Variants in MEGF8 observed in about 807,000 individuals in gnomAD.
The protein encoded by MEGF8 is multiple EGF like domains 8, also known as multiple epidermal growth factor-like domains protein 8.
MEGF8 carries 156 observed loss-of-function variants against 302.9 expected under a neutral mutation model. That is an observed-to-expected ratio of 0.52 (90% CI 0.45 to 0.59). MEGF8 has a LOEUF of 0.59. Among genes scored for constraint, MEGF8 ranks in the 20% least tolerant of loss-of-function variants. MEGF8 has a pLI of 0.00. For synonymous variants in MEGF8, 1,621 were observed against 1,660.5 expected (o/e 0.98, Z 0.58); for missense variants, 3,345 against 3,964.5 (o/e 0.84, Z 4.20).
chr19:42,343,419 T>G, intron 8 of MEGF8, 58 bp from the exon 9 acceptor site: 3 of 1,510,466 alleles, frequency 2.0e-6, no homozygotes, highest in East Asian at 2.3e-5. Context: ...TCAGGAGCCA[T>G]GGAGGTGGTG....
In MEGF8 at chr19:42,363,272, C is replaced by G; in HGVS notation, c.6273+10C>G. ...CAGCAGCCTGCAGCAGGTACTGCACCTGGCCAGGACCGTGCCAGGCAAGGG... is the reference window on the plus strand; with the variant it reads ...CAGCAGCCTGCAGCAGGTACTGCACGTGGCCAGGACCGTGCCAGGCAAGGG... On this transcript the variant is annotated intron_variant, in intron 35 of 41. Coordinates refer to ENST00000251268, the MANE Select transcript of MEGF8 (RefSeq NM_001271938.2). 6.3e-7 allele frequency: 1 copy of G among 1,578,048 alleles called. No individual in the cohort carries two copies. The highest frequency in any genetic ancestry group is 8.6e-7 in the Non-Finnish European group (1 of 1,161,978).
chr19:42,366,841 C>T lies in MEGF8; in HGVS notation c.6274-1614C>T, dbSNP rs376192831. 3.0e-4 allele frequency among the ~76,000 whole-genome samples: 45 copies of T among 152,260 alleles called. 1 individual carries two copies. The highest frequency in any genetic ancestry group is 1.1e-3 in the African/African-American group (45 of 41,550). On this transcript the variant is annotated intron_variant, in intron 35 of 41. Transcript: ENST00000251268. The stretch of plus-strand genomic sequence containing the variant: ...GTTCTCTACCCCTCCCAGATTGTCC[C>T]ACCATCTGCCAACAAGTGCCCTAAA...
Position 42,336,788 on chromosome 19 carries a change from C to T in MEGF8, c.1245-19C>T, listed in dbSNP as rs1454620464. The T allele has an allele frequency of 6.4e-7, 1 of 1,565,974 alleles. No homozygotes were observed. Reference sequence around the variant, plus strand: ...GACGCTTCCTGCCCTGAGCCCCTGCCCTGCTTCTCCTTCGGTAGGTTCTCT... The same window carrying T: ...GACGCTTCCTGCCCTGAGCCCCTGCTCTGCTTCTCCTTCGGTAGGTTCTCT... On this transcript the variant is annotated intron_variant, in intron 6 of 41. Transcript: ENST00000251268. The surrounding 1 kb of genome is among the most constrained non-coding windows in gnomAD (Gnocchi z 4.8).
chr19:42,333,953 C>A, intron 2 of MEGF8, 54 bp from the exon 3 acceptor site: 1 of 1,570,334 alleles, frequency 6.4e-7, no homozygotes, highest in Non-Finnish European at 8.7e-7. Context: ...GGCCACCCTC[C>A]CAGGACAATC....
In MEGF8 at chr19:42,359,077, C is replaced by A. The variant is rs765689108; in HGVS notation, c.5344-21C>A. 25 of 1,507,796 alleles carry A rather than the reference C, an allele frequency of 1.7e-5. No individual in the cohort carries two copies. In the South Asian group the frequency reaches 2.4e-4, roughly 14 times the overall value. 93.4% of individuals were successfully genotyped at this position (1,507,796 alleles called of 1,614,324 possible). On this transcript the variant is annotated intron_variant, in intron 30 of 41. Coordinates refer to ENST00000251268, the MANE Select transcript of MEGF8 (RefSeq NM_001271938.2). The stretch of plus-strand genomic sequence containing the variant: ...GCTCTGACAGGCTGTCCTGTCCCCC[C>A]ACCCCCCGTCTCCCCAACAGCCCCG...
intron 7 of MEGF8, 25 bp from the exon 8 acceptor site, chr19:42,337,059 C>T: frequency 6.2e-7 from 1 of 1,613,524 alleles, no homozygotes. Flanking sequence ...GGCTTGCCAG[C>T]TATGCCCCTT....
chr19:42,346,796 A>G (rs572518503), intron 12 of MEGF8, among the ~76,000 whole-genome samples: 2 of 152,094 alleles, frequency 1.3e-5, no homozygotes, highest in African/African-American at 2.4e-5. Context: ...CGTCCTGGCT[A>G]ACACAGTGAA....
chr19:42,344,791 G>A lies in MEGF8; in HGVS notation c.2055G>A (p.Leu685=). 6.2e-7 allele frequency: 1 copy of A among 1,608,554 alleles called. No homozygotes were observed. The highest frequency in any genetic ancestry group is 1.7e-5 in the Admixed American group (1 of 59,474). Residue 685 remains leucine (L), a synonymous_variant, in exon 12 of 42, where the codon TTG becomes TTA. Coordinates refer to ENST00000251268, the MANE Select transcript of MEGF8 (RefSeq NM_001271938.2). This position sits in a 1 kb window ranked among gnomAD's most constrained non-coding sequence, Gnocchi z 4.5. ...AGAGCTTCCTGCCTGGCCTGCACTT[G>A]CTCACCTTTCAGCAGCCGCCCAATA... is the stretch of plus-strand genomic sequence containing the variant. ...VTQSFLPGLH[L]LTFQQPPNTS...
chr19:42,333,950 C>T, intron 2 of MEGF8, 57 bp from the exon 3 acceptor site: 2 of 1,562,490 alleles, frequency 1.3e-6, no homozygotes, highest in African/African-American at 1.4e-5. Flanking sequence ...GTGGGCCACC[C>T]TCCCAGGACA....
intron 35 of MEGF8, among the ~76,000 whole-genome samples, chr19:42,366,211 C>CT (rs1464061605): frequency 6.6e-6 from 1 of 152,054 alleles, no homozygotes; most frequent in Non-Finnish European, 1.5e-5. Context: ...TTCTTTTTTT[C>CT]TTTTTTTGAA....
At chr19:42,370,079 A>G in intron 38 of MEGF8, 110 bp from the exon 39 acceptor site, 1 of 1,228,448 alleles carries the variant, frequency 8.1e-7, no homozygotes, top group South Asian at 1.4e-5. Flanking sequence ...CAGGTACCCG[A>G]GCCTCTGCTG....
chr19:42,358,771 C>T lies in MEGF8; in HGVS notation c.5176-16C>T, dbSNP rs1286177633. The T allele has an allele frequency of 2.0e-6, 3 of 1,513,116 alleles. No homozygotes were observed. The highest frequency in any genetic ancestry group is 2.8e-5 in the African/African-American group (2 of 71,770). The allele number at this position is 1,513,116 out of a possible 1,614,324, so 93.7% of individuals were successfully genotyped here. On this transcript the variant is annotated splice_polypyrimidine_tract_variant and intron_variant, in intron 29 of 41. Coordinates refer to ENST00000251268, the MANE Select transcript of MEGF8 (RefSeq NM_001271938.2). The surrounding 1 kb of genome is among the most constrained non-coding windows in gnomAD (Gnocchi z 4.4). ...CTCGAGGAGCCTCAACCCCAGGACG[C>T]CCCCACTGTCACTAGCGAGATCGTA... is the stretch of plus-strand genomic sequence containing the variant.
Position 42,368,262 on chromosome 19 carries a change from G to A in MEGF8, c.6274-193G>A, listed in dbSNP as rs892662515. ...CCTCCCCAGCCTGACTTCCCGCCTTGGTGTGTAGTTACAAACGCTTGAGAG... is the reference window on the plus strand; with the variant it reads ...CCTCCCCAGCCTGACTTCCCGCCTTAGTGTGTAGTTACAAACGCTTGAGAG... On this transcript the variant is annotated intron_variant, in intron 35 of 41. Transcript: ENST00000251268. The surrounding 1 kb of genome is among the most constrained non-coding windows in gnomAD (Gnocchi z 4.9). Among the ~76,000 whole-genome samples the A allele has an allele frequency of 6.6e-6, 1 of 152,168 alleles. No individual in the cohort carries two copies. Among genetic ancestry groups the A allele is most frequent in the African/African-American group, 2.4e-5 (1 of 41,454 alleles).
In MEGF8 at chr19:42,352,937, G is replaced by C; in HGVS notation, c.3360G>C (p.Glu1120Asp). 6.3e-7 allele frequency: 1 copy of C among 1,597,210 alleles called. No homozygotes were observed. The highest frequency in any genetic ancestry group is 1.1e-5 in the South Asian group (1 of 87,578). The change falls in exon 20 of 42, where the codon GAG becomes GAC. Residue 1120 changes from glutamate to aspartate, a missense_variant. Glu to Asp is a conservative substitution (Grantham distance 45). Coordinates refer to ENST00000251268, the MANE Select transcript of MEGF8 (RefSeq NM_001271938.2). This position sits in a 1 kb window ranked among gnomAD's most constrained non-coding sequence, Gnocchi z 4.4. ...GISHCNRTCLEDCGHGVCSGP... is the reference protein window; with the variant it reads ...GISHCNRTCLDDCGHGVCSGP... ...CAACACGGCCCCTCAGGTGCTTGGA[G>C]GACTGTGGCCATGGTGTGTGCAGTG...
Position 42,353,400 on chromosome 19 carries a change from C to T in MEGF8, c.3551-65C>T. The T allele has an allele frequency of 6.5e-7, 1 of 1,538,318 alleles. No homozygotes were observed. The highest frequency in any genetic ancestry group is 8.8e-7 in the Non-Finnish European group (1 of 1,134,276). ...TGGGTGGGGTCAGGGTTTAGCTGAGCCAGTAGGCCTGGGCCTGTTTCCACC... is the reference window on the plus strand; with the variant it reads ...TGGGTGGGGTCAGGGTTTAGCTGAGTCAGTAGGCCTGGGCCTGTTTCCACC... On this transcript the variant is annotated intron_variant, in intron 20 of 41. Coordinates refer to ENST00000251268, the MANE Select transcript of MEGF8 (RefSeq NM_001271938.2). The surrounding 1 kb of genome is among the most constrained non-coding windows in gnomAD (Gnocchi z 6.1).
chr19:42,354,743 GACCTCTT>G lies in MEGF8; in HGVS notation c.4144+25_4144+31del. ...CTGGTACGGGGGCTAGGGGAAGTGG[GACCTCTT>G]AGTCCTGGGCTATGTATCCCTTGCC... is the stretch of plus-strand genomic sequence containing the variant. On this transcript the variant is annotated intron_variant, in intron 23 of 41. Transcript: ENST00000251268. The surrounding 1 kb of genome is among the most constrained non-coding windows in gnomAD (Gnocchi z 4.3). 1.9e-6 allele frequency: 3 copies of G among 1,587,198 alleles called. No individual in the cohort carries two copies. Among genetic ancestry groups the G allele is most frequent in the Non-Finnish European group, 2.6e-6 (3 of 1,168,542 alleles).
intron 35 of MEGF8, among the ~76,000 whole-genome samples, chr19:42,367,330 C>A (rs2039621632): frequency 6.7e-6 from 1 of 149,246 alleles, no homozygotes; most frequent in South Asian, 2.1e-4. Context: ...GCTCTGTCAT[C>A]CAGGCTGGAG....
chr19:42,373,369 G>A (rs2039719093), intron 41 of MEGF8, among the ~76,000 whole-genome samples: 1 of 151,990 alleles, frequency 6.6e-6, no homozygotes, highest in African/African-American at 2.4e-5. Context: ...GGGATCACAG[G>A]CGTGAGCCAC....
Position 42,361,745 on chromosome 19 carries a change from G to A in MEGF8, c.5721-345G>A, listed in dbSNP as rs567902592. On this transcript the variant is annotated intron_variant, in intron 32 of 41. Coordinates refer to ENST00000251268, the MANE Select transcript of MEGF8 (RefSeq NM_001271938.2). ...GGGCCTGGGCAGTGAGATCCCTGGC[G>A]CTGTTGTGAGGGGTAGAGTGACGAG... Among the ~76,000 whole-genome samples the A allele has an allele frequency of 6.6e-5, 10 of 152,168 alleles. No individual in the cohort carries two copies. The East Asian group carries it at 1.7e-3, about 27-fold the overall frequency.
Sources: allele counts gnomAD v4.1 joint callset (sites outside exome capture counted in the v4.1 genomes callset), GRCh38; gene constraint gnomAD v4.1.1; non-coding constraint Gnocchi (gnomAD v3.1); transcripts MANE v1.5; gene names NCBI Gene and HGNC (gene_info 2026-07-23, HGNC 2026-07-21).